UNC13C: variants seen among roughly 807,000 people sequenced by gnomAD.
UNC13C encodes protein unc-13 homolog C.
Under a neutral mutation model 245.4 loss-of-function variants are expected in UNC13C, and 174 were observed. The observed-to-expected ratio is 0.71, with a 90% CI of 0.63 to 0.80. UNC13C has a LOEUF of 0.80. Ranked by LOEUF, UNC13C falls within the 30% of genes least tolerant of loss-of-function variation. The probability of loss-of-function intolerance (pLI) is 0.00; values close to 1 mark genes in which losing one functional copy is unlikely to be tolerated. For synonymous variants in UNC13C, 992 were observed against 895.1 expected, an observed-to-expected ratio of 1.11 and a Z score of -1.93; for missense variants, 2,829 against 2,602.9, an observed-to-expected ratio of 1.09 and a Z score of -1.89.
At chr15:54,018,751 ACT>A (rs1349472972) in intron 2 of UNC13C, among the ~76,000 whole-genome samples, 1 of 151,844 alleles carries the variant, frequency 6.6e-6, no homozygotes, top group Non-Finnish European at 1.5e-5. Context: ...TATCACACTG[ACT>A]CTCATATTTA....
At chr15:54,347,381 C>G (rs2038882263) in intron 17 of UNC13C, among the ~76,000 whole-genome samples, 1 of 152,168 alleles carries the variant, frequency 6.6e-6, no homozygotes, top group Non-Finnish European at 1.5e-5. Context: ...TAAAACCTTT[C>G]TGCCTAAGAT....
the UNC13C span, among the ~76,000 whole-genome samples, chr15:53,873,715 G>A: frequency 9.8e-4 from 1 of 1,016 alleles, no homozygotes; most frequent in South Asian, 0.056. Context: ...CTTCCATGAG[G>A]CGGAAAGGGG....
intron 26 of UNC13C, among the ~76,000 whole-genome samples, chr15:54,539,985 G>A (rs1394774610): frequency 6.6e-6 from 1 of 152,004 alleles, no homozygotes; most frequent in Non-Finnish European, 1.5e-5. Context: ...TGAGCTTTAA[G>A]CATTTGTAAA....
intron 2 of UNC13C, among the ~76,000 whole-genome samples, chr15:54,132,017 T>C (rs2031448709): frequency 6.6e-6 from 1 of 152,080 alleles, no homozygotes. Flanking sequence ...ACTTTGTTCA[T>C]ATCTTTAACA....
chr15:53,942,794 C>A, the UNC13C span, among the ~76,000 whole-genome samples: 1 of 152,104 alleles, frequency 6.6e-6, no homozygotes, highest in Non-Finnish European at 1.5e-5. Flanking sequence ...TTCCAAATAG[C>A]TGAGATTACA....
chr15:54,108,841 G>A (rs1900599243), intron 2 of UNC13C, among the ~76,000 whole-genome samples: 1 of 152,294 alleles, frequency 6.6e-6, no homozygotes. Flanking sequence ...AACCTGCTAT[G>A]GGAGATATTA....
chr15:54,156,561 T>C (rs958333379), intron 4 of UNC13C, among the ~76,000 whole-genome samples: 12 of 152,068 alleles, frequency 7.9e-5, no homozygotes, highest in African/African-American at 2.2e-4. Context: ...TAAGTTGCAT[T>C]TATTTGTATC....
At chr15:53,937,939 A>G in the UNC13C span, among the ~76,000 whole-genome samples, 1 of 152,226 alleles carries the variant, frequency 6.6e-6, no homozygotes, top group African/African-American at 2.4e-5. Flanking sequence ...ACAATGAAGT[A>G]CACAGACCAG....
At chr15:54,488,264 G>A (rs1893527598) in intron 19 of UNC13C, among the ~76,000 whole-genome samples, 1 of 152,158 alleles carries the variant, frequency 6.6e-6, no homozygotes, top group Admixed American at 6.5e-5. Context: ...AAAATTTTGT[G>A]TTTGTGAGCA....
the UNC13C span, among the ~76,000 whole-genome samples, chr15:53,960,857 C>T: frequency 6.6e-6 from 1 of 152,202 alleles, no homozygotes; most frequent in African/African-American, 2.4e-5. Flanking sequence ...TGTCCCCCAC[C>T]ACATAGCTTT....
At position 54,627,052 on chromosome 15, in the gene UNC13C, A is replaced by G. The variant is rs986509252; in HGVS notation, c.6584A>G (p.Asp2195Gly). The G allele has an allele frequency of 6.2e-7, 1 of 1,613,092 alleles. No homozygotes were observed. The highest frequency in any genetic ancestry group is 8.5e-7 in the Non-Finnish European group (1 of 1,179,492). Residue 2195 changes from aspartate (D) to glycine (G), a missense_variant, in exon 33 of 33, where the codon GAT (aspartate) becomes GGT (glycine). Asp to Gly is a moderately conservative substitution (Grantham distance 94). Transcript: ENST00000260323. ...LRILSQRTSDDVAKEFVRLKS... is the reference protein window; with the variant it reads ...LRILSQRTSDGVAKEFVRLKS... ...ATACTCTCTCAGAGGACCAGTGATG[A>G]TGTGGCTAAAGAATTTGTAAGACTT... is the stretch of plus-strand genomic sequence containing the variant.
chr15:54,457,317 A>G (rs979094752), intron 19 of UNC13C, among the ~76,000 whole-genome samples: 2 of 152,154 alleles, frequency 1.3e-5, no homozygotes, highest in African/African-American at 4.8e-5. Context: ...TATGTTAATC[A>G]CGGATATGTT....
At chr15:54,396,352 T>C (rs1330075066) in intron 18 of UNC13C, among the ~76,000 whole-genome samples, 1 of 151,730 alleles carries the variant, frequency 6.6e-6, no homozygotes. Flanking sequence ...AATCATAAAT[T>C]CTCTCCATTC....
the UNC13C span, among the ~76,000 whole-genome samples, chr15:53,922,687 G>A: frequency 6.6e-6 from 1 of 152,048 alleles, no homozygotes; most frequent in African/African-American, 2.4e-5. Context: ...AGAGGACGTC[G>A]CTAACCATAA....
intron 30 of UNC13C, among the ~76,000 whole-genome samples, chr15:54,607,276 T>C (rs1379096188): frequency 3.9e-5 from 6 of 152,118 alleles, no homozygotes; most frequent in African/African-American, 1.4e-4. Flanking sequence ...AAGCCACAGA[T>C]CACAGGGATA....
chr15:54,419,563 A>G (rs933486954), intron 19 of UNC13C, among the ~76,000 whole-genome samples: 7 of 152,192 alleles, frequency 4.6e-5, no homozygotes, highest in Non-Finnish European at 1.0e-4. Flanking sequence ...TTACCTGTTT[A>G]GATATTTTTA....
At chr15:54,178,862 C>T (rs1449532827) in intron 4 of UNC13C, among the ~76,000 whole-genome samples, 1 of 152,036 alleles carries the variant, frequency 6.6e-6, no homozygotes, top group African/African-American at 2.4e-5. Context: ...AAATAAAATC[C>T]CGCTTGAGGA....
the UNC13C span, among the ~76,000 whole-genome samples, chr15:53,838,978 A>G: frequency 6.6e-6 from 1 of 152,140 alleles, no homozygotes; most frequent in Admixed American, 6.6e-5. Context: ...CCAAGTTTTC[A>G]AATTTACTGG....
At chr15:53,943,409 C>T in the UNC13C span, among the ~76,000 whole-genome samples, 1 of 152,106 alleles carries the variant, frequency 6.6e-6, no homozygotes, top group African/African-American at 2.4e-5. Context: ...TTGTAATTCT[C>T]AAATAACAAG....
Sources: gnomAD v4.1 joint callset for allele counts (sites outside exome capture counted in the v4.1 genomes callset) on GRCh38, gnomAD v4.1.1 for gene constraint, MANE v1.5 for transcripts, NCBI Gene and HGNC (gene_info 2026-07-23, HGNC 2026-07-21) for gene names.